The following PIH1D2 variants were observed in gnomAD, a reference collection of about 807,000 sequenced individuals.
The protein encoded by PIH1D2 is PIH1 domain-containing protein 2.
In PIH1D2, 25 loss-of-function variants were observed where a neutral mutation model predicts 31.2. The ratio of observed to expected loss-of-function variants is 0.80; its 90% confidence interval spans 0.58 to 1.12. The LOEUF is 1.12. PIH1D2 is among the 50% of genes most tolerant of loss of function. The probability of loss-of-function intolerance (pLI) is 0.00; values close to 1 mark genes in which losing one functional copy is unlikely to be tolerated. For missense variants in PIH1D2, 310 were observed against 356.6 expected (o/e 0.87, Z 1.05); for synonymous variants, 116 against 119.9 (o/e 0.97, Z 0.21).
chr11:112,060,122 T>A, downstream of PIH1D2: 1 of 1,472,104 alleles, frequency 6.8e-7, no homozygotes, highest in Non-Finnish European at 9.4e-7. Flanking sequence ...GCATAATGCA[T>A]TTATTGCATT....
At chr11:112,067,746 A>C (rs1864984489), downstream of PIH1D2, 36 of 964,516 alleles carry the variant, frequency 3.7e-5, no homozygotes, top group South Asian at 5.2e-4. Context: ...AATCTCAGTC[A>C]AAATGAACTT....
At chr11:112,072,549 C>CAAAAAAAA (rs148760956) in intron 2 of PIH1D2, among the ~76,000 whole-genome samples, 1 of 36,340 alleles carries the variant, frequency 2.8e-5, no homozygotes, top group Non-Finnish European at 4.4e-5. Context: ...GACCCTATCT[C>CAAAAAAAA]AAAAAAAAAA....
At chr11:112,057,207 T>C in the PIH1D2 span, among the ~76,000 whole-genome samples, 1 of 152,214 alleles carries the variant, frequency 6.6e-6, no homozygotes, top group African/African-American at 2.4e-5. Context: ...CAACCAGCTG[T>C]TCCTCTGTCT....
chr11:112,064,836 C>A (rs1864855843), downstream of PIH1D2, among the ~76,000 whole-genome samples: 1 of 148,168 alleles, frequency 6.7e-6, no homozygotes, highest in African/African-American at 2.5e-5. Context: ...AAAATCTGGT[C>A]TCCAAATTTT....
the PIH1D2 span, among the ~76,000 whole-genome samples, chr11:112,052,837 G>A: frequency 1.3e-5 from 2 of 152,028 alleles, no homozygotes; most frequent in South Asian, 2.1e-4. Context: ...GACCCTTCCA[G>A]TGACTGGCGC....
At chr11:112,062,538 AACTC>A (rs782656157), downstream of PIH1D2, 3 of 1,612,276 alleles carry the variant, frequency 1.9e-6, no homozygotes, top group African/African-American at 4.0e-5. Flanking sequence ...TGTTGTAACT[AACTC>A]AAGAATTTCT....
chr11:112,060,074 T>G, downstream of PIH1D2: 1 of 1,612,756 alleles, frequency 6.2e-7, no homozygotes, highest in Non-Finnish European at 8.5e-7. Flanking sequence ...AGGTAGGGTA[T>G]TAATTATTGC....
intron 2 of PIH1D2, 109 bp downstream of exon 2, chr11:112,072,889 C>CAAAAAA (rs1164293992): frequency 2.0e-4 from 181 of 885,216 alleles, no homozygotes; most frequent in Non-Finnish European, 2.4e-4. Flanking sequence ...CAAAACAAAA[C>CAAAAAA]AAAAAAAAAA....
chr11:112,060,809 A>C (rs1555183147), downstream of PIH1D2, among the ~76,000 whole-genome samples: 3 of 152,186 alleles, frequency 2.0e-5, no homozygotes, highest in African/African-American at 7.2e-5. Flanking sequence ...AAATAAAGTA[A>C]AATTCAATCA....
the PIH1D2 span, among the ~76,000 whole-genome samples, chr11:112,057,467 A>G: frequency 6.6e-6 from 1 of 152,268 alleles, no homozygotes; most frequent in South Asian, 2.1e-4. Flanking sequence ...TCTTGAAAGA[A>G]ATGAAAAGTA....
At position 112,067,951 on chromosome 11, in the gene PIH1D2, T is replaced by C. The variant is rs1555184051; in HGVS notation, c.868A>G (p.Lys290Glu). Reference protein sequence around the residue: ...EKYRLHLNLPKLIDTEMTTAK... With the variant: ...EKYRLHLNLPELIDTEMTTAK... ...GTGGTCATTTCAGTATCAATAAGTT[T>C]TGGAAGATTCAGATGTAATCTGTAC... The change falls in exon 6 of 6, where the codon AAA becomes GAA. Residue 290 changes from lysine (K) to glutamate (E), a missense_variant. Coordinates refer to ENST00000280350, the MANE Select transcript of PIH1D2 (RefSeq NM_138789.4). The C allele has an allele frequency of 1.1e-5, 18 of 1,608,500 alleles. No individual in the cohort carries two copies. The highest frequency in any genetic ancestry group is 1.5e-5 in the Non-Finnish European group (18 of 1,175,474).
chr11:112,067,397 C>T (rs1864956839), downstream of PIH1D2, among the ~76,000 whole-genome samples: 1 of 151,506 alleles, frequency 6.6e-6, no homozygotes, highest in Admixed American at 6.6e-5. Flanking sequence ...GGCATGGTGT[C>T]TCATGCCTGT....
downstream of PIH1D2, among the ~76,000 whole-genome samples, chr11:112,058,980 A>C (rs1555182876): frequency 6.6e-6 from 1 of 152,032 alleles, no homozygotes; most frequent in Admixed American, 6.6e-5. Context: ...CTGAGATAAG[A>C]TCCAGATGCA....
chr11:112,071,578 G>A, intron 3 of PIH1D2, 57 bp downstream of exon 3: 3 of 1,554,712 alleles, frequency 1.9e-6, no homozygotes, highest in African/African-American at 1.4e-5. Context: ...AACCAAGTAA[G>A]ATCTTGTCCA....
intron 2 of PIH1D2, 93 bp downstream of exon 2, chr11:112,072,905 A>C (rs1352281318): frequency 2.3e-6 from 3 of 1,282,540 alleles, no homozygotes; most frequent in South Asian, 1.9e-5. Flanking sequence ...AAAAACAAAA[A>C]AAATTAGCAA....
At chr11:112,064,154 T>C, downstream of PIH1D2, 1 of 1,556,570 alleles carries the variant, frequency 6.4e-7, no homozygotes, top group Non-Finnish European at 8.7e-7. Context: ...ATGATCCAAA[T>C]CTGGTTCAAA....
At position 112,071,207 on chromosome 11, in the gene PIH1D2, A is replaced by AT. The variant is rs782257962; in HGVS notation, c.377dup (p.Asn126LysfsTer12). The AT allele has an allele frequency of 3.1e-6, 5 of 1,613,426 alleles. No individual in the cohort carries two copies. The highest frequency in any genetic ancestry group is 3.3e-5 in the Admixed American group (2 of 59,948). On this transcript the variant is annotated frameshift_variant, in exon 4 of 6. Coordinates refer to ENST00000280350, the MANE Select transcript of PIH1D2 (RefSeq NM_138789.4). LOFTEE classifies it high-confidence loss of function. The stretch of plus-strand genomic sequence containing the variant: ...ATTTCATGGCCATCTGAATTAACTG[A>AT]TTTTTTTTCACTTGGTCCTTTTCTG...
downstream of PIH1D2, chr11:112,062,690 T>A: frequency 1.1e-6 from 1 of 888,148 alleles, no homozygotes; most frequent in Admixed American, 2.5e-5. Flanking sequence ...CATTACTGAA[T>A]TTTTAAAATG....
intron 3 of PIH1D2, 40 bp from the exon 4 acceptor site, chr11:112,071,323 T>C: frequency 6.4e-7 from 1 of 1,573,464 alleles, no homozygotes; most frequent in Non-Finnish European, 8.6e-7. Context: ...GAAGAAAAAT[T>C]GTTGCACTAA....
Sources: allele counts gnomAD v4.1 joint callset (sites outside exome capture counted in the v4.1 genomes callset), GRCh38; gene constraint gnomAD v4.1.1; transcripts MANE v1.5; gene names NCBI Gene and HGNC (gene_info 2026-07-23, HGNC 2026-07-21).